GUCY1A2: variants seen among roughly 807,000 people sequenced by gnomAD.
GUCY1A2 encodes the protein guanylate cyclase soluble subunit alpha-2.
In GUCY1A2, 27 loss-of-function variants were observed where a neutral mutation model predicts 63.5. The observed-to-expected ratio is 0.43, with a 90% CI of 0.31 to 0.59. The LOEUF (loss-of-function observed/expected upper bound fraction) is 0.59, where lower values mean the gene tolerates loss of function less well. Among genes scored for constraint, GUCY1A2 ranks in the 20% least tolerant of loss-of-function variants. The pLI is 0.11. For synonymous variants in GUCY1A2, 364 were observed against 343.5 expected, an observed-to-expected ratio of 1.06 and a Z score of -0.66; for missense variants, 768 against 913.3, an observed-to-expected ratio of 0.84 and a Z score of 2.05.
intron 6 of GUCY1A2, among the ~76,000 whole-genome samples, chr11:106,760,436 G>T (rs1031901290): frequency 6.6e-6 from 1 of 152,086 alleles, no homozygotes; most frequent in African/African-American, 2.4e-5. Flanking sequence ...CGAACTTCAA[G>T]GAATGATACA....
At chr11:106,835,140 T>C (rs763747259) in intron 4 of GUCY1A2, among the ~76,000 whole-genome samples, 27 of 151,848 alleles carry the variant, frequency 1.8e-4, no homozygotes, top group Admixed American at 2.6e-4. Context: ...TTTTACGACT[T>C]GGAATATAAA....
chr11:106,882,086 C>T (rs1241495741), intron 4 of GUCY1A2, among the ~76,000 whole-genome samples: 2 of 151,874 alleles, frequency 1.3e-5, no homozygotes, highest in South Asian at 4.1e-4. Context: ...TTCCTTCCTT[C>T]CTTCCTTCTC....
chr11:106,878,176 A>C (rs549726668), intron 4 of GUCY1A2, among the ~76,000 whole-genome samples: 12 of 152,184 alleles, frequency 7.9e-5, no homozygotes, highest in South Asian at 6.2e-4. Flanking sequence ...ATACACTGTG[A>C]GTGGGAGTGT....
chr11:106,863,823 G>A (rs372753027), intron 4 of GUCY1A2, among the ~76,000 whole-genome samples: 1 of 152,078 alleles, frequency 6.6e-6, no homozygotes, highest in Non-Finnish European at 1.5e-5. Context: ...GCAGTGGTTT[G>A]TAGTTCTCCT....
intron 4 of GUCY1A2, among the ~76,000 whole-genome samples, chr11:106,926,513 G>A (rs770196792): frequency 6.6e-6 from 1 of 151,346 alleles, no homozygotes; most frequent in African/African-American, 2.4e-5. Flanking sequence ...TCAGAGCCTT[G>A]CTCAGATTAT....
chr11:106,896,008 CAAA>C (rs780891598), intron 4 of GUCY1A2, among the ~76,000 whole-genome samples: 1 of 113,674 alleles, frequency 8.8e-6, no homozygotes. Context: ...GACTCTGTCT[CAAA>C]AAAAAAAAAA....
Position 107,017,806 on chromosome 11 carries a change from G to C in GUCY1A2, c.250C>G (p.Arg84Gly), listed in dbSNP as rs960825754. 25 of 1,415,086 alleles carry C rather than the reference G, an allele frequency of 1.8e-5. No homozygotes were observed. Among genetic ancestry groups the C allele is most frequent in the Non-Finnish European group, 2.3e-5 (25 of 1,083,768 alleles). The allele number at this position is 1,415,086 out of a possible 1,614,324, so 87.7% of individuals were successfully genotyped here. Reference sequence around the variant, plus strand: ...TCGCCCAGCGAGTCCAGGTTGACCCGCCTCCGGCGCTGCACCCTCCTGGCC... The same window carrying C: ...TCGCCCAGCGAGTCCAGGTTGACCCCCCTCCGGCGCTGCACCCTCCTGGCC... ...AGARRVQRRR[R>G]VNLDSLGESI... The change falls in exon 1 of 8, where the codon CGG becomes GGG. Residue 84 changes from arginine (R) to glycine (G), a missense_variant. This residue lies in a region of GUCY1A2 where 496 missense variants were observed against 486.9 expected (regional missense o/e 1.02). Transcript: ENST00000526355.
At chr11:106,965,940 A>AG (rs1861121357) in intron 3 of GUCY1A2, among the ~76,000 whole-genome samples, 1 of 151,184 alleles carries the variant, frequency 6.6e-6, no homozygotes, top group African/African-American at 2.4e-5. Flanking sequence ...AAAAAAAAAA[A>AG]GTTCATTTCT....
chr11:106,819,450 G>A (rs181621016), intron 4 of GUCY1A2, among the ~76,000 whole-genome samples: 10 of 152,216 alleles, frequency 6.6e-5, no homozygotes, highest in Admixed American at 3.3e-4. Flanking sequence ...TTAAGAAATT[G>A]TTAGAGCCAC....
intron 5 of GUCY1A2, among the ~76,000 whole-genome samples, chr11:106,793,309 G>C (rs1591279472): frequency 6.6e-6 from 1 of 152,046 alleles, no homozygotes; most frequent in Non-Finnish European, 1.5e-5. Context: ...TTGGGGAAAT[G>C]AAATTAGATC....
chr11:106,982,084 C>T (rs371938415), intron 2 of GUCY1A2, among the ~76,000 whole-genome samples: 5 of 152,106 alleles, frequency 3.3e-5, no homozygotes, highest in African/African-American at 1.2e-4. Context: ...TGTTATTATT[C>T]CCATTTTTAA....
intron 4 of GUCY1A2, among the ~76,000 whole-genome samples, chr11:106,923,905 C>A (rs986593062): frequency 1.3e-5 from 2 of 152,052 alleles, no homozygotes; most frequent in South Asian, 4.1e-4. Flanking sequence ...TTCCCAAGAC[C>A]ATTTGTAAAA....
At chr11:106,889,043 T>C (rs1415124246) in intron 4 of GUCY1A2, among the ~76,000 whole-genome samples, 1 of 152,172 alleles carries the variant, frequency 6.6e-6, no homozygotes, top group Non-Finnish European at 1.5e-5. Flanking sequence ...TTAAAAAAAT[T>C]ACAATGCACT....
At chr11:106,844,990 A>G (rs1307391817) in intron 4 of GUCY1A2, among the ~76,000 whole-genome samples, 2 of 151,732 alleles carry the variant, frequency 1.3e-5, no homozygotes, top group Non-Finnish European at 3.0e-5. Flanking sequence ...AATCCTTGCC[A>G]TCAGTAGGTT....
At chr11:107,009,695 G>A (rs963139948) in intron 1 of GUCY1A2, among the ~76,000 whole-genome samples, 4 of 152,152 alleles carry the variant, frequency 2.6e-5, no homozygotes, top group Admixed American at 2.6e-4. Context: ...AAAAGATACA[G>A]CCATAGGATG....
chr11:106,707,196 T>C (rs1384420524), intron 7 of GUCY1A2, among the ~76,000 whole-genome samples: 1 of 152,134 alleles, frequency 6.6e-6, no homozygotes, highest in African/African-American at 2.4e-5. Context: ...AATTTTATAT[T>C]TGTAATTTCA....
At chr11:106,871,305 AG>A (rs1360576904) in intron 4 of GUCY1A2, among the ~76,000 whole-genome samples, 2 of 152,166 alleles carry the variant, frequency 1.3e-5, no homozygotes, top group African/African-American at 4.8e-5. Context: ...CGTTATGTCA[AG>A]GTTTTTAATT....
intron 3 of GUCY1A2, among the ~76,000 whole-genome samples, chr11:106,972,717 T>C (rs1861211839): frequency 6.6e-6 from 1 of 152,070 alleles, no homozygotes; most frequent in Non-Finnish European, 1.5e-5. Flanking sequence ...CTATGCCACA[T>C]TCCACTCAAT....
At chr11:106,854,306 A>G (rs2135452550) in intron 4 of GUCY1A2, among the ~76,000 whole-genome samples, 1 of 152,212 alleles carries the variant, frequency 6.6e-6, no homozygotes, top group African/African-American at 2.4e-5. Context: ...AGTCCCTAGG[A>G]TCTTGGATGG....
Sources: allele counts gnomAD v4.1 joint callset (sites outside exome capture counted in the v4.1 genomes callset), GRCh38; gene constraint gnomAD v4.1.1; regional missense constraint gnomAD v4.1.1; transcripts MANE v1.5; gene names NCBI Gene and HGNC (gene_info 2026-07-23, HGNC 2026-07-21).